Variants in NAALADL2 observed in about 807,000 individuals in gnomAD.
The protein encoded by NAALADL2 is N-acetylated alpha-linked acidic dipeptidase like 2.
A neutral mutation model predicts 87.2 loss-of-function variants in NAALADL2; 76 were observed. The observed-to-expected ratio is 0.87, with a 90% CI of 0.72 to 1.05. The LOEUF is 1.05. Among genes scored for constraint, NAALADL2 ranks in the 50% least tolerant of loss-of-function variants. The pLI is 0.00. For missense variants in NAALADL2, 1,089 were observed against 945.8 expected (o/e 1.15, Z -1.99); for synonymous variants, 354 against 331.0 (o/e 1.07, Z -0.75).
chr3:175,495,142 G>A (rs969779406), intron 9 of NAALADL2, among the ~76,000 whole-genome samples: 1 of 150,038 alleles, frequency 6.7e-6, no homozygotes, highest in South Asian at 2.1e-4. Flanking sequence ...GCACATCAAA[G>A]AGTAGCTTCC....
At chr3:174,481,582 C>G (rs1717556249) in intron 1 of NAALADL2, among the ~76,000 whole-genome samples, 1 of 151,996 alleles carries the variant, frequency 6.6e-6, no homozygotes. Flanking sequence ...GTTGGGGGCC[C>G]CTAAGACCAC....
At chr3:175,206,177 A>G (rs1259238411) in intron 2 of NAALADL2, among the ~76,000 whole-genome samples, 2 of 150,314 alleles carry the variant, frequency 1.3e-5, no homozygotes, top group Non-Finnish European at 3.0e-5. Flanking sequence ...TTCACAATTG[A>G]AAAATCGTGG....
At chr3:175,002,379 T>A (rs868293203) in intron 1 of NAALADL2, among the ~76,000 whole-genome samples, 9 of 152,144 alleles carry the variant, frequency 5.9e-5, no homozygotes, top group African/African-American at 2.2e-4. Context: ...AGCAAAAGGA[T>A]GAACCGTTGA....
chr3:174,540,390 A>G (rs1207172487), intron 1 of NAALADL2, among the ~76,000 whole-genome samples: 1 of 152,122 alleles, frequency 6.6e-6, no homozygotes, highest in Non-Finnish European at 1.5e-5. Context: ...CCACCTCCTC[A>G]TTCTGACAGC....
chr3:174,751,579 C>A (rs1267197845), intron 3 of NAALADL2, among the ~76,000 whole-genome samples: 3 of 150,040 alleles, frequency 2.0e-5, no homozygotes, highest in African/African-American at 7.4e-5. Flanking sequence ...AGGAGAATTG[C>A]TTGAGCCCGG....
At chr3:175,319,986 G>A (rs1303536140) in intron 4 of NAALADL2, among the ~76,000 whole-genome samples, 1 of 152,166 alleles carries the variant, frequency 6.6e-6, no homozygotes, top group Non-Finnish European at 1.5e-5. Flanking sequence ...TTACTCCACT[G>A]CAAAAGTTAA....
intron 4 of NAALADL2, among the ~76,000 whole-genome samples, chr3:175,279,535 T>C (rs1306412741): frequency 6.6e-6 from 1 of 152,038 alleles, no homozygotes; most frequent in Non-Finnish European, 1.5e-5. Context: ...ATAGTAAATC[T>C]GTAGCTTGAA....
intron 1 of NAALADL2, among the ~76,000 whole-genome samples, chr3:174,457,397 T>G (rs1715913140): frequency 6.6e-6 from 1 of 152,174 alleles, no homozygotes; most frequent in Non-Finnish European, 1.5e-5. Flanking sequence ...TAAAGACACA[T>G]GCATGTGTCA....
chr3:175,485,524 G>T (rs1341642301), intron 9 of NAALADL2, among the ~76,000 whole-genome samples: 2 of 152,138 alleles, frequency 1.3e-5, no homozygotes, highest in Non-Finnish European at 2.9e-5. Context: ...GTCTGTGGCT[G>T]CAGGTCTGAG....
intron 2 of NAALADL2, among the ~76,000 whole-genome samples, chr3:174,714,091 G>A (rs1730949945): frequency 6.6e-6 from 1 of 152,130 alleles, no homozygotes; most frequent in Admixed American, 6.5e-5. Context: ...TGTCAGGTTT[G>A]TCAAAGATCA....
intron 4 of NAALADL2, among the ~76,000 whole-genome samples, chr3:175,296,327 C>T (rs534948297): frequency 6.0e-4 from 92 of 152,266 alleles, no homozygotes; most frequent in Middle Eastern, 3.4e-3. Context: ...GCCAATAATA[C>T]TTCCCGTATG....
chr3:175,285,201 A>C (rs926181293), intron 4 of NAALADL2, among the ~76,000 whole-genome samples: 2 of 152,134 alleles, frequency 1.3e-5, no homozygotes, highest in African/African-American at 4.8e-5. Flanking sequence ...AATCCTATAA[A>C]ACTTTTTAGT....
At chr3:175,677,325 T>C (rs1439641628) in intron 11 of NAALADL2, among the ~76,000 whole-genome samples, 1 of 151,926 alleles carries the variant, frequency 6.6e-6, no homozygotes, top group Non-Finnish European at 1.5e-5. Context: ...ATCGTGCCCT[T>C]GCACTCCAGC....
At chr3:175,610,895 CTGTT>C (rs1724550271) in intron 10 of NAALADL2, among the ~76,000 whole-genome samples, 1 of 152,010 alleles carries the variant, frequency 6.6e-6, no homozygotes, top group Non-Finnish European at 1.5e-5. Flanking sequence ...TAATATATAA[CTGTT>C]AGTATAGATA....
intron 4 of NAALADL2, among the ~76,000 whole-genome samples, chr3:175,281,737 A>G (rs1754335581): frequency 6.6e-6 from 1 of 152,034 alleles, no homozygotes; most frequent in East Asian, 1.9e-4. Context: ...TGAATATTTC[A>G]ATATTGTTTA....
chr3:175,548,462 A>T (rs1398578038), intron 9 of NAALADL2, among the ~76,000 whole-genome samples: 5 of 152,050 alleles, frequency 3.3e-5, no homozygotes, highest in Non-Finnish European at 2.9e-5. Context: ...ACCAGGCTTA[A>T]TACCTGGGTG....
intron 1 of NAALADL2, among the ~76,000 whole-genome samples, chr3:174,987,568 CAAAAAAA>C (rs1159602995): frequency 2.4e-4 from 5 of 20,848 alleles, no homozygotes; most frequent in Non-Finnish European, 4.1e-4. Context: ...GACTCCGTCT[CAAAAAAA>C]AAAAAAAAAA....
At chr3:174,851,436 A>G (rs1006488458) in intron 3 of NAALADL2, among the ~76,000 whole-genome samples, 1 of 151,866 alleles carries the variant, frequency 6.6e-6, no homozygotes, top group Non-Finnish European at 1.5e-5. Context: ...AGACATTACA[A>G]CCGATAGCTA....
chr3:175,246,394 G>T (rs1356143314), intron 3 of NAALADL2, among the ~76,000 whole-genome samples: 1 of 152,122 alleles, frequency 6.6e-6, no homozygotes, highest in Non-Finnish European at 1.5e-5. Flanking sequence ...GTCTAAGCAG[G>T]CTTTTCAAAC....
Sources: gnomAD v4.1 joint callset for allele counts (sites outside exome capture counted in the v4.1 genomes callset) on GRCh38, gnomAD v4.1.1 for gene constraint, MANE v1.5 for transcripts, NCBI Gene and HGNC (gene_info 2026-07-23, HGNC 2026-07-21) for gene names.